DRICH1: variants seen among roughly 807,000 people sequenced by gnomAD.
The protein encoded by DRICH1 is aspartate-rich protein 1.
DRICH1 carries 38 observed loss-of-function variants against 39.5 expected under a neutral mutation model. The observed-to-expected ratio is 0.96, with a 90% CI of 0.74 to 1.26. The LOEUF (loss-of-function observed/expected upper bound fraction) is 1.26, where lower values mean the gene tolerates loss of function less well. DRICH1 is among the 50% of genes most tolerant of loss of function. The pLI, the probability that DRICH1 is intolerant of heterozygous loss-of-function variation, is 0.00. For synonymous variants in DRICH1, 84 were observed against 99.5 expected (o/e 0.84, Z 0.93); for missense variants, 279 against 270.4 (o/e 1.03, Z -0.22).
the DRICH1 span, among the ~76,000 whole-genome samples, chr22:23,589,315 G>A: frequency 6.6e-6 from 1 of 151,914 alleles, no homozygotes; most frequent in African/African-American, 2.4e-5. Context: ...ACCACACGTG[G>A]TGGCTTGAAC....
At position 23,619,540 on chromosome 22, in the gene DRICH1, T is replaced by C. The variant is rs146632753; in HGVS notation, c.407-147A>G. 2.1e-4 allele frequency: 133 copies of C among 619,668 alleles called. No homozygotes were observed. The African/African-American group carries it at 2.7e-3, about 13-fold the overall frequency. 38.4% of individuals were successfully genotyped at this position (619,668 alleles called of 1,614,324 possible). On this transcript the variant is annotated intron_variant, in intron 5 of 11. Coordinates refer to ENST00000317749, the MANE Select transcript of DRICH1 (RefSeq NM_016449.4). ...AAAAAACAGAGAAATGCAAACAGCA[T>C]GCTTCCAGCATGGAGGTATCACAGA...
chr22:23,620,567 G>C (rs762255316), intron 5 of DRICH1, 27 bp downstream of exon 5: 2 of 1,611,192 alleles, frequency 1.2e-6, no homozygotes, highest in Non-Finnish European at 1.7e-6. Flanking sequence ...TTGTTTCTCA[G>C]AAAGTGAGTT....
At chr22:23,611,786 G>A (rs1185358512) in intron 11 of DRICH1, among the ~76,000 whole-genome samples, 1 of 152,240 alleles carries the variant, frequency 6.6e-6, no homozygotes, top group East Asian at 1.9e-4. Flanking sequence ...TTAGAAGGTC[G>A]GCGCAGTGCA....
Position 23,620,627 on chromosome 22 carries a change from C to G in DRICH1, c.385-12G>C. On this transcript the variant is annotated splice_polypyrimidine_tract_variant and intron_variant, in intron 4 of 11. Coordinates refer to ENST00000317749, the MANE Select transcript of DRICH1 (RefSeq NM_016449.4). ...CGTGACGGTAAAATCTGCAACGAGA[C>G]AAAAGAAGATGCTATGAGGATCAGA... 1 of 1,613,712 alleles carries G rather than the reference C, an allele frequency of 6.2e-7. No homozygotes were observed. Among genetic ancestry groups the G allele is most frequent in the Non-Finnish European group, 8.5e-7 (1 of 1,179,652 alleles).
Position 23,608,901 on chromosome 22 carries a change from TACAGATGCGGAA to T in DRICH1, c.686-145_686-134del, listed in dbSNP as rs1419939161. On this transcript the variant is annotated intron_variant, in intron 11 of 11. Coordinates refer to ENST00000317749, the MANE Select transcript of DRICH1 (RefSeq NM_016449.4). ...TCTGCAGTCCAGGCTGAGGAGAAAT[TACAGATGCGGAA>T]ACTCATCAGCCAGGGACAGAGGTGC... 4.1e-6 allele frequency: 4 copies of T among 971,188 alleles called. No homozygotes were observed. In the East Asian group the frequency reaches 1.0e-4, roughly 25 times the overall value. 60.2% of individuals were successfully genotyped at this position (971,188 alleles called of 1,614,324 possible). A position where few individuals can be genotyped will look rare whatever the true frequency, so the allele number is the denominator to read the frequency against.
chr22:23,591,208 A>G, the DRICH1 span, among the ~76,000 whole-genome samples: 1 of 152,180 alleles, frequency 6.6e-6, no homozygotes, highest in African/African-American at 2.4e-5. Context: ...TGGTTGAGGC[A>G]AAAGGAAGAA....
the DRICH1 span, among the ~76,000 whole-genome samples, chr22:23,601,859 A>G: frequency 2.0e-5 from 3 of 152,264 alleles, no homozygotes; most frequent in East Asian, 1.9e-4. Flanking sequence ...AGGGTCAGAA[A>G]GAGACCAGTG....
At chr22:23,631,252 T>C (rs1341041072) in intron 1 of DRICH1, among the ~76,000 whole-genome samples, 1 of 151,970 alleles carries the variant, frequency 6.6e-6, no homozygotes, top group East Asian at 1.9e-4. Context: ...ATCCCGTCTC[T>C]ACTAAAAATA....
rs183209415 is a variant in DRICH1, at chr22:23,614,261, C to G, written c.542-47G>C. ...ATCAGTGCACCGGTGGTTGGTGACT[C>G]TGAGTCACTCGGGGAGCTTTGCTGG... On this transcript the variant is annotated intron_variant, in intron 8 of 11. Coordinates refer to ENST00000317749, the MANE Select transcript of DRICH1 (RefSeq NM_016449.4). 1,519 of 1,383,682 alleles carry G rather than the reference C, an allele frequency of 1.1e-3. 12 individuals carry two copies. The highest frequency in any genetic ancestry group is 8.2e-3 in the African/African-American group (575 of 70,542). 85.7% of individuals were successfully genotyped at this position (1,383,682 alleles called of 1,614,324 possible).
At chr22:23,627,871 C>T (rs901453791) in intron 1 of DRICH1, among the ~76,000 whole-genome samples, 2 of 152,168 alleles carry the variant, frequency 1.3e-5, no homozygotes, top group African/African-American at 2.4e-5. Context: ...GATCCCACCC[C>T]AGAGGCGACC....
At chr22:23,600,837 T>C in the DRICH1 span, among the ~76,000 whole-genome samples, 1 of 151,978 alleles carries the variant, frequency 6.6e-6, no homozygotes, top group East Asian at 1.9e-4. Context: ...CATGACCAGC[T>C]AATTTTTTAT....
chr22:23,608,683 C>T lies in DRICH1; in HGVS notation c.*81G>A. The T allele has an allele frequency of 1.4e-6, 2 of 1,414,992 alleles. No homozygotes were observed. The highest frequency in any genetic ancestry group is 2.0e-6 in the Non-Finnish European group (2 of 1,023,966). 87.7% of individuals were successfully genotyped at this position (1,414,992 alleles called of 1,614,324 possible). A position where few individuals can be genotyped will look rare whatever the true frequency, so the allele number is the denominator to read the frequency against. Reference sequence around the variant, plus strand: ...CAGAATGTAGAGAGGATTGAGACCTCCAGGGGCAAAGCTGGGGACCCTGCA... The same window carrying T: ...CAGAATGTAGAGAGGATTGAGACCTTCAGGGGCAAAGCTGGGGACCCTGCA... On this transcript the variant is annotated 3_prime_UTR_variant, in exon 12 of 12. Transcript: ENST00000317749.
the DRICH1 span, among the ~76,000 whole-genome samples, chr22:23,601,140 ACG>A: frequency 1.2e-3 from 165 of 142,684 alleles, 1 homozygote; most frequent in African/African-American, 4.2e-3. Context: ...GACCTAACGC[ACG>A]CGCGCACACA....
chr22:23,603,783 C>T (rs1038356713), downstream of DRICH1, among the ~76,000 whole-genome samples: 2 of 152,156 alleles, frequency 1.3e-5, no homozygotes, highest in South Asian at 2.1e-4. Flanking sequence ...AGTCCCCCTG[C>T]GTTTGGCCCA....
rs191048391 is a variant in DRICH1 at position 23,621,460 on chromosome 22, A to G, written c.384+631T>C. ...CTAAAGCCCCTCCCCAACAATCAAT[A>G]TGTGACACCCACGAAGATTGTGACC... On this transcript the variant is annotated intron_variant, in intron 4 of 11. Transcript: ENST00000317749. Among the ~76,000 whole-genome samples the G allele has an allele frequency of 2.2e-3, 332 of 151,968 alleles. 1 individual carries two copies. The highest frequency in any genetic ancestry group is 7.6e-3 in the African/African-American group (316 of 41,440).
the DRICH1 span, among the ~76,000 whole-genome samples, chr22:23,593,980 A>AAAAAAAAAG: frequency 1.5e-5 from 2 of 137,152 alleles, no homozygotes; most frequent in Non-Finnish European, 1.5e-5. Context: ...TCTGTCTCAA[A>AAAAAAAAAG]AAAAAAAAAA....
At chr22:23,625,868 A>T in intron 2 of DRICH1, 113 bp downstream of exon 2, 1 of 805,850 alleles carries the variant, frequency 1.2e-6, no homozygotes, top group Non-Finnish European at 2.1e-6. Flanking sequence ...TAAAAGTCTT[A>T]CTTTTGCTGT....
chr22:23,613,743 T>C (rs1927183833), intron 9 of DRICH1, 83 bp from the exon 10 acceptor site: 1 of 1,080,614 alleles, frequency 9.3e-7, no homozygotes, highest in South Asian at 1.3e-5. Flanking sequence ...TGGACAACGA[T>C]AAAAAACCAG....
chr22:23,619,481 T>C, intron 5 of DRICH1, 88 bp from the exon 6 acceptor site: 1 of 753,698 alleles, frequency 1.3e-6, no homozygotes, highest in Non-Finnish European at 2.5e-6. Flanking sequence ...AAGAACAGTG[T>C]TGGAGGATGC....
Sources: gnomAD v4.1 joint callset for allele counts (sites outside exome capture counted in the v4.1 genomes callset) on GRCh38, gnomAD v4.1.1 for gene constraint, MANE v1.5 for transcripts, NCBI Gene and HGNC (gene_info 2026-07-23, HGNC 2026-07-21) for gene names.